Variants in KIF21A observed in about 807,000 individuals in gnomAD.
The protein encoded by KIF21A is kinesin-like protein KIF21A.
Under a neutral mutation model 202.9 loss-of-function variants are expected in KIF21A, and 114 were observed. The observed-to-expected ratio is 0.56, with a 90% CI of 0.48 to 0.66. KIF21A has a LOEUF of 0.66. KIF21A is among the 30% of genes least tolerant of loss of function. The probability of loss-of-function intolerance (pLI) is 0.00; values close to 1 mark genes in which losing one functional copy is unlikely to be tolerated. For missense variants in KIF21A, 1,677 were observed against 1,994.9 expected, an observed-to-expected ratio of 0.84 and a Z score of 3.04; for synonymous variants, 667 against 670.8, an observed-to-expected ratio of 0.99 and a Z score of 0.09.
intron 37 of KIF21A, among the ~76,000 whole-genome samples, chr12:39,296,014 T>G (rs1942310508): frequency 7.2e-6 from 1 of 138,874 alleles, no homozygotes; most frequent in African/African-American, 2.8e-5. Flanking sequence ...ATGGTTTTTT[T>G]GTTTGTTTGT....
intron 22 of KIF21A, among the ~76,000 whole-genome samples, chr12:39,331,126 T>C (rs574989511): frequency 1.3e-4 from 19 of 151,988 alleles, no homozygotes; most frequent in African/African-American, 4.1e-4. Context: ...ATATGCAAAA[T>C]GAGATCAATA....
Position 39,351,823 on chromosome 12 carries a change from T to G in KIF21A, c.1627A>C (p.Lys543Gln). The change falls in exon 11 of 38, where the codon AAA becomes CAA. Residue 543 changes from lysine to glutamine, a missense_variant. By Grantham distance (53) the Lys-to-Gln change is moderately conservative. This residue lies in a region of KIF21A where 966 missense variants were observed against 1,180.9 expected (regional missense o/e 0.82). Transcript: ENST00000361418. ...TTTCTTTTCAACTTCTCTAAATCTT[T>G]TTTTGCTAGGTCTATAATTTCAATG... ...ETIEIIDLAK[K>Q]DLEKLKRKEK... The G allele has an allele frequency of 1.2e-6, 2 of 1,604,290 alleles. No homozygotes were observed. Among genetic ancestry groups the G allele is most frequent in the Non-Finnish European group, 1.7e-6 (2 of 1,171,992 alleles).
chr12:39,342,036 C>A lies in KIF21A; in HGVS notation c.1801G>T (p.Val601Leu), dbSNP rs758952493. 1.2e-6 allele frequency: 2 copies of A among 1,601,334 alleles called. No individual in the cohort carries two copies. Among genetic ancestry groups the A allele is most frequent in the South Asian group, 2.2e-5 (2 of 90,726 alleles). ...VSERENNELE[V>L]EESQEVSDHE... ...CAAGTTCATTCTTTCATACTTACCA[C>A]TTCTAATTCATTGTTTTCTCTTTCC... Residue 601 changes from valine (V) to leucine (L), a missense_variant and splice_region_variant, in exon 13 of 38, where the codon GTG (valine) becomes TTG (leucine). By Grantham distance (32) the Val-to-Leu change is conservative. Around this residue, in one of 3 missense-constraint regions of KIF21A, gnomAD observed 966 missense variants for 1,180.9 expected, o/e 0.82. Coordinates refer to ENST00000361418, the MANE Select transcript of KIF21A (RefSeq NM_001173464.2).
At chr12:39,441,014 CA>C (rs201462096) in intron 1 of KIF21A, among the ~76,000 whole-genome samples, 1 of 146,400 alleles carries the variant, frequency 6.8e-6, no homozygotes, top group East Asian at 2.0e-4. Context: ...AACCCTATCT[CA>C]AAAAAAAGAA....
chr12:39,414,119 A>T (rs889526279), intron 1 of KIF21A, among the ~76,000 whole-genome samples: 7 of 152,182 alleles, frequency 4.6e-5, no homozygotes, highest in Non-Finnish European at 7.3e-5. Context: ...CTTTTCCTTT[A>T]TATATTAGCA....
intron 12 of KIF21A, 122 bp from the exon 13 acceptor site, chr12:39,342,246 T>A: frequency 1.4e-6 from 1 of 725,294 alleles, no homozygotes; most frequent in Non-Finnish European, 2.5e-6. Context: ...GTTGGTCACT[T>A]AACTGAGCAA....
At chr12:39,390,747 G>A (rs1285576037) in intron 1 of KIF21A, among the ~76,000 whole-genome samples, 2 of 151,858 alleles carry the variant, frequency 1.3e-5, no homozygotes, top group Non-Finnish European at 2.9e-5. Context: ...TAGCACTATT[G>A]GAAAAAAACA....
chr12:39,432,441 T>C (rs374668092), intron 1 of KIF21A, among the ~76,000 whole-genome samples: 143 of 152,266 alleles, frequency 9.4e-4, no homozygotes, highest in African/African-American at 3.2e-3. Flanking sequence ...GGAGACAGCA[T>C]AGTTCCTATA....
At chr12:39,343,346 C>T (rs555468964) in intron 12 of KIF21A, among the ~76,000 whole-genome samples, 10 of 151,394 alleles carry the variant, frequency 6.6e-5, no homozygotes, top group South Asian at 4.2e-4. Flanking sequence ...GGCAACAGAG[C>T]GAGACTCTGT....
chr12:39,388,297 G>A (rs746748453), intron 1 of KIF21A, among the ~76,000 whole-genome samples: 2 of 152,166 alleles, frequency 1.3e-5, no homozygotes, highest in Non-Finnish European at 2.9e-5. Flanking sequence ...TGTAATCTCT[G>A]CATAATGCTG....
At chr12:39,410,774 C>A (rs140469208) in intron 1 of KIF21A, among the ~76,000 whole-genome samples, 1 of 152,072 alleles carries the variant, frequency 6.6e-6, no homozygotes, top group Non-Finnish European at 1.5e-5. Flanking sequence ...ACAATAGAAA[C>A]ATCTAAATAA....
rs113199185 is a variant in KIF21A, at chr12:39,398,532, T to A, written c.45-28271A>T. On this transcript the variant is annotated intron_variant, in intron 1 of 37. Transcript: ENST00000361418. ...AGGAGAATTGTTTTAGGCTAGGAGA[T>A]CAAAAAGGAGATCAATAGAAGGTAG... Among the ~76,000 whole-genome samples the A allele has an allele frequency of 6.6e-3, 1,005 of 151,928 alleles. 13 individuals carry two copies. Among genetic ancestry groups the A allele is most frequent in the African/African-American group, 0.023 (960 of 41,438 alleles).
chr12:39,356,822 T>C lies in KIF21A; in HGVS notation c.1469+10A>G, dbSNP rs73266501. 1.3e-3 allele frequency: 1,398 copies of C among 1,109,896 alleles called. 13 individuals carry two copies. In the African/African-American group the frequency reaches 0.019, roughly 15 times the overall value. 68.8% of individuals were successfully genotyped at this position (1,109,896 alleles called of 1,614,324 possible). A position where few individuals can be genotyped will look rare whatever the true frequency, so the allele number is the denominator to read the frequency against. On this transcript the variant is annotated intron_variant, in intron 10 of 37. Coordinates refer to ENST00000361418, the MANE Select transcript of KIF21A (RefSeq NM_001173464.2). ...CATGTGCATTATATGTTACAGAACA[T>C]GAACTATACCTGAGATCTTCGATTT...
chr12:39,438,041 T>C (rs191450209), intron 1 of KIF21A, among the ~76,000 whole-genome samples: 87 of 152,252 alleles, frequency 5.7e-4, no homozygotes, highest in African/African-American at 2.0e-3. Context: ...AGCACAGCAA[T>C]AGATATCAGA....
At chr12:39,357,569 A>G in intron 8 of KIF21A, 132 bp from the exon 9 acceptor site, 1 of 744,368 alleles carries the variant, frequency 1.3e-6, no homozygotes, top group South Asian at 1.5e-5. Context: ...AAGGCAAAAG[A>G]AATCCTTTCA....
At chr12:39,303,572 C>T (rs1158009633) in intron 35 of KIF21A, among the ~76,000 whole-genome samples, 4 of 152,066 alleles carry the variant, frequency 2.6e-5, no homozygotes, top group Non-Finnish European at 4.4e-5. Context: ...CTTTTTTTCA[C>T]ACTACTTTTG....
intron 34 of KIF21A, 66 bp from the exon 35 acceptor site, chr12:39,305,004 A>C (rs1339655386): frequency 1.3e-6 from 1 of 772,126 alleles, no homozygotes; most frequent in Non-Finnish European, 2.3e-6. Flanking sequence ...CTAAGCCTCA[A>C]CATAAACGAT....
chr12:39,390,157 G>C (rs903183787), intron 1 of KIF21A, among the ~76,000 whole-genome samples: 2 of 152,114 alleles, frequency 1.3e-5, no homozygotes, highest in African/African-American at 4.8e-5. Flanking sequence ...AGGAAAATGA[G>C]AGAAGTAAGA....
intron 4 of KIF21A, 54 bp downstream of exon 4, chr12:39,367,829 C>A (rs1319573109): frequency 3.7e-6 from 5 of 1,366,980 alleles, no homozygotes; most frequent in East Asian, 4.6e-5. Context: ...CAGCAAAGCT[C>A]ACTATTTAAA....
Sources: allele counts gnomAD v4.1 joint callset (sites outside exome capture counted in the v4.1 genomes callset), GRCh38; gene constraint gnomAD v4.1.1; regional missense constraint gnomAD v4.1.1; transcripts MANE v1.5; gene names NCBI Gene and HGNC (gene_info 2026-07-23, HGNC 2026-07-21).